Variants in FMNL2 observed in about 807,000 individuals in gnomAD.
FMNL2 encodes the protein formin-like protein 2.
In FMNL2, 51 loss-of-function variants were observed where a neutral mutation model predicts 130.2. The observed-to-expected ratio is 0.39, with a 90% CI of 0.31 to 0.49. The LOEUF is 0.49. Ranked by LOEUF, FMNL2 falls within the 20% of genes least tolerant of loss-of-function variation. The probability of loss-of-function intolerance (pLI) is 0.85; values close to 1 mark genes in which losing one functional copy is unlikely to be tolerated. For missense variants in FMNL2, 977 were observed against 1,316.2 expected (o/e 0.74, Z 3.99); for synonymous variants, 465 against 467.1 (o/e 1.00, Z 0.06).
chr2:152,481,316 A>G (rs1211987259), intron 1 of FMNL2, among the ~76,000 whole-genome samples: 1 of 152,232 alleles, frequency 6.6e-6, no homozygotes, highest in African/African-American at 2.4e-5. Context: ...ATGTCTTCCT[A>G]AAATACACTT....
chr2:152,640,626 C>T (rs1683001305), intron 24 of FMNL2, among the ~76,000 whole-genome samples, 165 bp from the exon 25 acceptor site: 1 of 152,198 alleles, frequency 6.6e-6, no homozygotes, highest in African/African-American at 2.4e-5. Context: ...GTTTTTGTTT[C>T]CTTCCCAGAA....
intron 14 of FMNL2, 103 bp from the exon 15 acceptor site, chr2:152,619,406 T>A (rs1436469199): frequency 2.0e-6 from 3 of 1,511,470 alleles, no homozygotes; most frequent in Non-Finnish European, 2.7e-6. Flanking sequence ...TCCTTTGTCC[T>A]TTTAAGTGTG....
At position 152,542,739 on chromosome 2, in the gene FMNL2, G is replaced by A. The variant is rs377217657; in HGVS notation, c.202G>A (p.Glu68Lys). 1 of 1,613,878 alleles carries A rather than the reference G, an allele frequency of 6.2e-7. No homozygotes were observed. Among genetic ancestry groups the A allele is most frequent in the Admixed American group, 1.7e-5 (1 of 59,994 alleles). The change falls in exon 3 of 26, where the codon GAA (glutamate) becomes AAA (lysine). Residue 68 changes from glutamate (E) to lysine (K), a missense_variant and splice_region_variant. Glu to Lys is a moderately conservative substitution (Grantham distance 56). Around this residue, in one of 4 missense-constraint regions of FMNL2, gnomAD observed 117 missense variants for 134.9 expected, o/e 0.87. Transcript: ENST00000288670. ...EKKWELICDQ[E>K]RFQVKNPPHT... Reference sequence around the variant, plus strand: ...CTTTGGACTTTTGTGCTTTCTGCAGGAACGATTCCAGGTGAAGAATCCTCC... The same window carrying A: ...CTTTGGACTTTTGTGCTTTCTGCAGAAACGATTCCAGGTGAAGAATCCTCC...
chr2:152,589,674 A>G (rs933832326), intron 9 of FMNL2, among the ~76,000 whole-genome samples: 5 of 152,176 alleles, frequency 3.3e-5, no homozygotes, highest in African/African-American at 1.2e-4. Context: ...AGTCAAAACT[A>G]TGACAGCTTT....
chr2:152,379,318 T>C (rs560160005), intron 1 of FMNL2, among the ~76,000 whole-genome samples: 1 of 152,344 alleles, frequency 6.6e-6, no homozygotes, highest in African/African-American at 2.4e-5. Flanking sequence ...TGAGTGCTTC[T>C]ACTTCGTTAG....
At chr2:152,581,122 A>C in intron 9 of FMNL2, 73 bp downstream of exon 9, 7 of 1,358,006 alleles carry the variant, frequency 5.2e-6, no homozygotes, top group Non-Finnish European at 7.3e-6. Context: ...GGAATTATTT[A>C]CCTTTTCATT....
intron 7 of FMNL2, among the ~76,000 whole-genome samples, chr2:152,576,772 G>T (rs937132695): frequency 2.0e-5 from 3 of 152,210 alleles, no homozygotes; most frequent in Non-Finnish European, 4.4e-5. Flanking sequence ...ATTAGGGGAA[G>T]AAGGTTCTAG....
chr2:152,552,692 G>T (rs963149590), intron 4 of FMNL2, among the ~76,000 whole-genome samples: 1 of 152,108 alleles, frequency 6.6e-6, no homozygotes, highest in African/African-American at 2.4e-5. Flanking sequence ...AGAAGAATTG[G>T]ATTATGACTT....
At chr2:152,544,189 G>A (rs1694489581) in intron 3 of FMNL2, among the ~76,000 whole-genome samples, 1 of 152,104 alleles carries the variant, frequency 6.6e-6, no homozygotes, top group Non-Finnish European at 1.5e-5. Context: ...AGCTAAGGTG[G>A]GTGGATCACC....
chr2:152,406,760 C>T (rs1362032913), intron 1 of FMNL2, among the ~76,000 whole-genome samples: 3 of 152,172 alleles, frequency 2.0e-5, no homozygotes, highest in African/African-American at 4.8e-5. Context: ...TACTGTTCCA[C>T]TTTAAGTCTA....
intron 15 of FMNL2, among the ~76,000 whole-genome samples, chr2:152,620,325 C>G (rs916695110): frequency 6.6e-6 from 1 of 151,992 alleles, no homozygotes; most frequent in African/African-American, 2.4e-5. Context: ...TGTCCTCTTG[C>G]CAACCAGAAG....
chr2:152,591,624 G>GCT (rs1213606878), intron 9 of FMNL2, among the ~76,000 whole-genome samples: 7 of 152,164 alleles, frequency 4.6e-5, no homozygotes. Context: ...TGAGCAACAT[G>GCT]GTAAGACCCT....
At chr2:152,342,927 A>T (rs1681894617) in intron 1 of FMNL2, among the ~76,000 whole-genome samples, 1 of 152,228 alleles carries the variant, frequency 6.6e-6, no homozygotes, top group Admixed American at 6.5e-5. Flanking sequence ...CACTCTCTGA[A>T]AAAACAAACA....
rs534194289 is a variant in FMNL2 at position 152,393,551 on chromosome 2, C to T, written c.117+57831C>T. 2.0e-5 allele frequency among the ~76,000 whole-genome samples: 3 copies of T among 152,354 alleles called. No homozygotes were observed. The South Asian group carries it at 6.2e-4, about 32-fold the overall frequency. ...AGCTCTTGTTTGACTGTCCCCCTGA[C>T]AGCAATGTGTGTTGACTTTTCCACA... On this transcript the variant is annotated intron_variant, in intron 1 of 25. Coordinates refer to ENST00000288670, the MANE Select transcript of FMNL2 (RefSeq NM_052905.4).
chr2:152,579,440 G>A (rs1182414049), intron 8 of FMNL2, among the ~76,000 whole-genome samples: 2 of 152,238 alleles, frequency 1.3e-5, no homozygotes, highest in African/African-American at 4.8e-5. Flanking sequence ...GCTCATGCCT[G>A]TAATCTCAGC....
chr2:152,589,991 G>GTATGTA, intron 9 of FMNL2, among the ~76,000 whole-genome samples: 1 of 88,816 alleles, frequency 1.1e-5, no homozygotes, highest in Non-Finnish European at 2.3e-5. Context: ...ATATGTATAT[G>GTATGTA]TATATGTATA....
intron 1 of FMNL2, among the ~76,000 whole-genome samples, chr2:152,395,972 G>A (rs1685372242): frequency 6.6e-6 from 1 of 152,228 alleles, no homozygotes; most frequent in Non-Finnish European, 1.5e-5. Flanking sequence ...TAATTCTTAA[G>A]AGCTGCTGTC....
At chr2:152,501,705 C>CT (rs773450539) in intron 1 of FMNL2, among the ~76,000 whole-genome samples, 9,523 of 146,236 alleles carry the variant, frequency 0.065, 548 homozygotes, top group Admixed American at 0.21. Context: ...ATTTGCGTGA[C>CT]TTTTTTTTTT....
intron 1 of FMNL2, among the ~76,000 whole-genome samples, chr2:152,462,810 A>T (rs1464889073): frequency 6.6e-6 from 1 of 152,116 alleles, no homozygotes; most frequent in Non-Finnish European, 1.5e-5. Flanking sequence ...TTAAACCTGG[A>T]TCTCATGTTT....
Sources: allele counts gnomAD v4.1 joint callset (sites outside exome capture counted in the v4.1 genomes callset), GRCh38; gene constraint gnomAD v4.1.1; regional missense constraint gnomAD v4.1.1; transcripts MANE v1.5; gene names NCBI Gene and HGNC (gene_info 2026-07-23, HGNC 2026-07-21).